Variants in GRM5 observed in about 807,000 individuals in gnomAD.
GRM5 encodes the protein metabotropic glutamate receptor 5.
Under a neutral mutation model 83.1 loss-of-function variants are expected in GRM5, and 19 were observed. The observed-to-expected ratio is 0.23, with a 90% CI of 0.16 to 0.34. The LOEUF (loss-of-function observed/expected upper bound fraction) is 0.34, where lower values mean the gene tolerates loss of function less well. Ranked by LOEUF, GRM5 falls within the 10% of genes least tolerant of loss-of-function variation. The pLI, the probability that GRM5 is intolerant of heterozygous loss-of-function variation, is 1.00. For missense variants in GRM5, 1,160 were observed against 1,588.3 expected, an observed-to-expected ratio of 0.73 and a Z score of 4.58; for synonymous variants, 675 against 633.6, an observed-to-expected ratio of 1.07 and a Z score of -0.98.
rs199562481 is a variant in GRM5 at position 88,656,218 on chromosome 11, AG to A, written c.912-2816del. ...GGGAAGGAAACTAACATTTGCTAAAAGTCTACCACATTTAAGGCACTTTACT... is the reference window on the plus strand; with the variant it reads ...GGGAAGGAAACTAACATTTGCTAAAATCTACCACATTTAAGGCACTTTACT... On this transcript the variant is annotated intron_variant, in intron 3 of 9. Transcript: ENST00000305447. Among the ~76,000 whole-genome samples the A allele has an allele frequency of 7.0e-3, 1,073 of 152,254 alleles. 15 individuals are homozygous for A. The highest frequency in any genetic ancestry group is 0.025 in the African/African-American group (1,021 of 41,558).
Position 89,063,284 on chromosome 11 carries a change from G to A in GRM5, c.-201+2492C>T, listed in dbSNP as rs1407527418. On this transcript the variant is annotated intron_variant, in intron 1 of 9. Transcript: ENST00000305447. ...TCTTCCCTCCTTCACCCCATTGCTC[G>A]CGCCTTTTTCCCCAACAGGTTTAAT... Among the ~76,000 whole-genome samples the A allele has an allele frequency of 2.0e-5, 3 of 152,064 alleles. No individual in the cohort carries two copies. In the East Asian group the frequency reaches 5.8e-4, roughly 29 times the overall value.
chr11:89,043,187 T>G (rs1268362066), intron 2 of GRM5, among the ~76,000 whole-genome samples: 2 of 152,170 alleles, frequency 1.3e-5, no homozygotes, highest in Non-Finnish European at 2.9e-5. Context: ...AATTCCTCTA[T>G]TCAGCAAATA....
chr11:88,995,228 G>T (rs1385331192), intron 2 of GRM5, among the ~76,000 whole-genome samples: 1 of 152,036 alleles, frequency 6.6e-6, no homozygotes, highest in African/African-American at 2.4e-5. Flanking sequence ...TGGTTGTACA[G>T]AGCAAAAGTG....
intron 2 of GRM5, among the ~76,000 whole-genome samples, chr11:88,883,770 G>A (rs547884619): frequency 2.0e-5 from 3 of 152,176 alleles, no homozygotes; most frequent in African/African-American, 4.8e-5. Flanking sequence ...TGCTGTAGGC[G>A]GCCTCAGGAC....
chr11:88,983,190 T>A (rs1199608825), intron 2 of GRM5, among the ~76,000 whole-genome samples: 1 of 152,224 alleles, frequency 6.6e-6, no homozygotes, highest in Admixed American at 6.5e-5. Flanking sequence ...AACAGACAAA[T>A]CTGGACTACT....
At chr11:88,633,483 G>A (rs556728773) in intron 4 of GRM5, among the ~76,000 whole-genome samples, 1 of 152,028 alleles carries the variant, frequency 6.6e-6, no homozygotes, top group African/African-American at 2.4e-5. Flanking sequence ...TATAGTTTTA[G>A]GTTTCACATT....
chr11:88,584,837 A>G (rs1252265124), intron 7 of GRM5, among the ~76,000 whole-genome samples: 1 of 152,250 alleles, frequency 6.6e-6, no homozygotes, highest in Non-Finnish European at 1.5e-5. Context: ...TTATAAGAAC[A>G]GATAATTTTA....
chr11:88,800,243 T>A (rs557817835), intron 3 of GRM5, among the ~76,000 whole-genome samples: 5 of 152,234 alleles, frequency 3.3e-5, no homozygotes, highest in African/African-American at 1.2e-4. Context: ...TTCTATAAAG[T>A]CAAATCTCCT....
At chr11:88,656,177 C>T (rs1939764461) in intron 3 of GRM5, among the ~76,000 whole-genome samples, 3 of 151,804 alleles carry the variant, frequency 2.0e-5, no homozygotes, top group Admixed American at 2.0e-4. Flanking sequence ...CAAGAGAAAA[C>T]AAACGGATAA....
chr11:88,599,734 T>C (rs61901987), intron 5 of GRM5, among the ~76,000 whole-genome samples: 18,011 of 152,112 alleles, frequency 0.12, 1,421 homozygotes, highest in Non-Finnish European at 0.18. Context: ...TAACAGAAGG[T>C]CAGGCACGGT....
intron 7 of GRM5, among the ~76,000 whole-genome samples, chr11:88,585,855 C>T (rs909095742): frequency 6.6e-6 from 1 of 152,120 alleles, no homozygotes; most frequent in Admixed American, 6.6e-5. Flanking sequence ...GGAATAACTG[C>T]TTGCTGTCCT....
intron 3 of GRM5, among the ~76,000 whole-genome samples, chr11:88,840,717 A>G (rs1944183530): frequency 6.6e-6 from 1 of 152,132 alleles, no homozygotes; most frequent in Non-Finnish European, 1.5e-5. Context: ...GATCCTTTCC[A>G]TAGAGTACTG....
chr11:88,944,535 G>A (rs2135670467), intron 2 of GRM5, among the ~76,000 whole-genome samples: 1 of 151,612 alleles, frequency 6.6e-6, no homozygotes, highest in East Asian at 1.9e-4. Flanking sequence ...AAACCTACGT[G>A]CCTTTTTTTT....
intron 2 of GRM5, among the ~76,000 whole-genome samples, chr11:88,996,650 A>C (rs540042953): frequency 1.3e-5 from 2 of 152,358 alleles, no homozygotes; most frequent in Admixed American, 6.5e-5. Context: ...ATAGACAAAC[A>C]TATCTAGTAA....
intron 2 of GRM5, among the ~76,000 whole-genome samples, chr11:88,936,805 C>CA (rs889966625): frequency 6.6e-6 from 1 of 151,782 alleles, no homozygotes; most frequent in Admixed American, 6.6e-5. Flanking sequence ...TTTACCCTTT[C>CA]AGTTAGTTTT....
chr11:88,929,855 T>C (rs1458939322), intron 2 of GRM5, among the ~76,000 whole-genome samples: 1 of 152,164 alleles, frequency 6.6e-6, no homozygotes, highest in Non-Finnish European at 1.5e-5. Context: ...AAGTGATACA[T>C]GTTTTATTCT....
chr11:89,063,717 AGGAGGGAGGGGT>A (rs1263202503), intron 1 of GRM5: 3 of 152,284 alleles, frequency 2.0e-5, no homozygotes, highest in Non-Finnish European at 4.4e-5. Flanking sequence ...GAGAGAGCGG[AGGAGGGAGGGGT>A]GGTAGTTTGT....
At chr11:88,754,035 T>G (rs555516020) in intron 3 of GRM5, among the ~76,000 whole-genome samples, 7 of 152,234 alleles carry the variant, frequency 4.6e-5, no homozygotes, top group African/African-American at 1.7e-4. Context: ...TTATGGGAAC[T>G]ACAAGATGAG....
chr11:88,578,194 T>C (rs1335904854), intron 7 of GRM5, among the ~76,000 whole-genome samples: 1 of 152,108 alleles, frequency 6.6e-6, no homozygotes, highest in Non-Finnish European at 1.5e-5. Context: ...ATGCTTTGAA[T>C]TTTTCATCAC....
Sources: allele counts gnomAD v4.1 joint callset (sites outside exome capture counted in the v4.1 genomes callset), GRCh38; gene constraint gnomAD v4.1.1; transcripts MANE v1.5; gene names NCBI Gene and HGNC (gene_info 2026-07-23, HGNC 2026-07-21).